Variants in WDR64 observed in about 807,000 individuals in gnomAD.
The protein encoded by WDR64 is WD repeat-containing protein 64.
WDR64 carries 112 observed loss-of-function variants against 139.3 expected under a neutral mutation model. The ratio of observed to expected loss-of-function variants is 0.80; its 90% CI spans 0.69 to 0.94. The LOEUF is 0.94. Among genes scored for constraint, WDR64 ranks in the 40% least tolerant of loss-of-function variants. The pLI is 0.00. For synonymous variants in WDR64, 444 were observed against 437.7 expected, an observed-to-expected ratio of 1.01 and a Z score of -0.18; for missense variants, 1,206 against 1,293.1, an observed-to-expected ratio of 0.93 and a Z score of 1.03.
In WDR64 at chr1:241,801,326, T is replaced by C; in HGVS notation, c.*111T>C. ...ACCACCAGACACTATCAGTCATCTC[T>C]GGTGTCAGGCCATCCTATTGATGGG... is the stretch of plus-strand genomic sequence containing the variant. On this transcript the variant is annotated 3_prime_UTR_variant, in exon 28 of 28. Transcript: ENST00000437684. 3.2e-6 allele frequency: 3 copies of C among 927,650 alleles called. No homozygotes were observed. The highest frequency in any genetic ancestry group is 3.2e-5 in the South Asian group (2 of 61,728). The allele number at this position is 927,650 out of a possible 1,614,324, so 57.5% of individuals were successfully genotyped here. A position where few individuals can be genotyped will look rare whatever the true frequency, so the allele number is the denominator to read the frequency against.
intron 8 of WDR64, among the ~76,000 whole-genome samples, chr1:241,699,511 A>G (rs1667622777): frequency 6.6e-6 from 1 of 152,182 alleles, no homozygotes; most frequent in African/African-American, 2.4e-5. Flanking sequence ...GAGGGTGATA[A>G]GTGCCATGAT....
Position 241,677,260 on chromosome 1 carries a change from G to A in WDR64, c.484-927G>A, listed in dbSNP as rs114573993. On this transcript the variant is annotated intron_variant, in intron 4 of 27. Coordinates refer to ENST00000437684, the MANE Select transcript of WDR64 (RefSeq NM_001367482.1). ...GACTTCCATTAAAGATATATATAGA[G>A]AAAGAGAAACAGAAACCACAGGTGT... The A allele has an allele frequency of 4.2e-3, 1,690 of 398,044 alleles. 20 individuals carry two copies. Among genetic ancestry groups the A allele is most frequent in the African/African-American group, 0.031 (1,522 of 48,696 alleles). 24.7% of individuals were successfully genotyped at this position (398,044 alleles called of 1,614,324 possible).
In WDR64 at chr1:241,780,025, A is replaced by G. The variant is rs1323588160; in HGVS notation, c.2558A>G (p.Asn853Ser). The G allele has an allele frequency of 2.8e-5, 45 of 1,588,264 alleles. No homozygotes were observed. The highest frequency in any genetic ancestry group is 3.8e-5 in the Non-Finnish European group (45 of 1,173,442). ...GNVEGHVILC[N>S]ISSFLDPPHD... ...ACAGAAGGACATGTTATCCTTTGCA[A>G]TATTAGCTCTTTCCTGGATCCACCT... Residue 853 changes from asparagine (N) to serine (S), a missense_variant, in exon 22 of 28, where the codon AAT becomes AGT. Transcript: ENST00000437684.
chr1:241,734,193 C>A lies in WDR64; in HGVS notation c.1195-4170C>A, dbSNP rs180990228. ...TTACCTACCTGTGTCCTGGAAGCCT[C>A]CTTCCTGCTTGAGCTGTCCTGCCTT... On this transcript the variant is annotated intron_variant, in intron 10 of 27. Coordinates refer to ENST00000437684, the MANE Select transcript of WDR64 (RefSeq NM_001367482.1). Among the ~76,000 whole-genome samples, 43 of 152,184 alleles carry A rather than the reference C, an allele frequency of 2.8e-4. No homozygotes were observed. The East Asian group carries it at 7.9e-3, about 28-fold the overall frequency.
intron 8 of WDR64, among the ~76,000 whole-genome samples, chr1:241,695,715 A>C (rs1196709468): frequency 2.0e-5 from 3 of 152,192 alleles, no homozygotes; most frequent in Non-Finnish European, 4.4e-5. Context: ...CCAAGTCTGC[A>C]TTTGGAGGGA....
At chr1:241,714,317 T>C (rs1558486982) in intron 9 of WDR64, among the ~76,000 whole-genome samples, 1 of 152,128 alleles carries the variant, frequency 6.6e-6, no homozygotes, top group South Asian at 2.1e-4. Context: ...GAAAACTCTG[T>C]CATCAAGAAA....
intron 14 of WDR64, among the ~76,000 whole-genome samples, chr1:241,755,279 G>A (rs1418595428): frequency 1.3e-5 from 2 of 152,168 alleles, no homozygotes; most frequent in Admixed American, 1.3e-4. Context: ...GCATGAGATG[G>A]TGTCTCTTTT....
chr1:241,690,332 A>G (rs920845100), intron 8 of WDR64, among the ~76,000 whole-genome samples: 11 of 152,026 alleles, frequency 7.2e-5, no homozygotes, highest in African/African-American at 2.6e-4. Context: ...TTAGCTGGGC[A>G]TGGTGGCGCA....
chr1:241,729,262 G>A (rs12026720), intron 10 of WDR64, among the ~76,000 whole-genome samples: 2 of 151,832 alleles, frequency 1.3e-5, no homozygotes, highest in South Asian at 4.2e-4. Flanking sequence ...ATCCACCAAG[G>A]GGCTCCCAGT....
At chr1:241,728,331 T>C (rs1668930588) in intron 10 of WDR64, among the ~76,000 whole-genome samples, 1 of 132,166 alleles carries the variant, frequency 7.6e-6, no homozygotes. Flanking sequence ...AGACTCAGTC[T>C]CAGAAAAGAA....
chr1:241,723,720 T>C (rs954820792), intron 10 of WDR64, among the ~76,000 whole-genome samples: 6 of 152,014 alleles, frequency 3.9e-5, no homozygotes, highest in Admixed American at 6.6e-5. Context: ...TTTCAATAGA[T>C]AGGAACATTA....
intron 27 of WDR64, among the ~76,000 whole-genome samples, chr1:241,797,028 T>C (rs1659388603): frequency 6.6e-6 from 1 of 152,242 alleles, no homozygotes; most frequent in African/African-American, 2.4e-5. Flanking sequence ...AATTTGGTTG[T>C]ACCTACAGAG....
chr1:241,662,275 G>T lies in WDR64; in HGVS notation c.276+1615G>T, dbSNP rs563739641. 3.2e-4 allele frequency among the ~76,000 whole-genome samples: 49 copies of T among 152,246 alleles called. 1 individual carries two copies. In the South Asian group the frequency reaches 0.01, roughly 32 times the overall value. ...GCTTCACTGGGTCCCTCTGCTCGGG[G>T]TATCATAAAGCTGCAATCAAGGTGT... On this transcript the variant is annotated intron_variant, in intron 2 of 27. Transcript: ENST00000437684.
At chr1:241,690,297 C>T (rs944280240) in intron 8 of WDR64, among the ~76,000 whole-genome samples, 2 of 151,904 alleles carry the variant, frequency 1.3e-5, no homozygotes, top group Non-Finnish European at 1.5e-5. Flanking sequence ...ATGGTAAAAC[C>T]CCGTCTCTAC....
rs1274054894 is a variant in WDR64 at position 241,656,898 on chromosome 1, GTGTGTGTGTGTGTC to G, written c.146-3628_146-3615del. Among the ~76,000 whole-genome samples, 3 of 151,220 alleles carry G rather than the reference GTGTGTGTGTGTGTC, an allele frequency of 2.0e-5. No homozygotes were observed. Among genetic ancestry groups the G allele is most frequent in the Non-Finnish European group, 2.9e-5 (2 of 67,902 alleles). On this transcript the variant is annotated intron_variant, in intron 1 of 27. Coordinates refer to ENST00000437684, the MANE Select transcript of WDR64 (RefSeq NM_001367482.1). The surrounding 1 kb of genome is among the most constrained non-coding windows in gnomAD (Gnocchi z 4.3). ...TGTGTGTGTGTGTGTGTGTGTGTGT[GTGTGTGTGTGTGTC>G]TGTCTGGGGATGGAGGTGAGGTGCA...
chr1:241,677,305 G>A (rs546865223), intron 4 of WDR64: 5 of 398,258 alleles, frequency 1.3e-5, no homozygotes, highest in African/African-American at 2.1e-5. Flanking sequence ...CTACTCACCG[G>A]TTTTCTTACA....
intron 15 of WDR64, among the ~76,000 whole-genome samples, chr1:241,765,040 A>T (rs1211025581): frequency 1.3e-5 from 2 of 151,872 alleles, no homozygotes; most frequent in African/African-American, 4.8e-5. Context: ...TCAAAACATT[A>T]GCCAGGCATG....
chr1:241,687,416 T>G, intron 7 of WDR64, 45 bp from the exon 8 acceptor site: 2 of 1,608,138 alleles, frequency 1.2e-6, no homozygotes, highest in Non-Finnish European at 1.7e-6. Context: ...TATTATACGT[T>G]TGTGTGTCTA....
Position 241,766,362 on chromosome 1 carries a change from T to C in WDR64, c.2081+11T>C. 1 of 1,612,836 alleles carries C rather than the reference T, an allele frequency of 6.2e-7. No homozygotes were observed. The highest frequency in any genetic ancestry group is 1.1e-5 in the South Asian group (1 of 90,924). ...TACTGTCAAAAAAGTGTAAGTTGTG[T>C]ATTATCCTTAAACAATGTAAAAGCT... On this transcript the variant is annotated intron_variant, in intron 16 of 27. Transcript: ENST00000437684.
Sources: gnomAD v4.1 joint callset for allele counts (sites outside exome capture counted in the v4.1 genomes callset) on GRCh38, gnomAD v4.1.1 for gene constraint, Gnocchi (gnomAD v3.1) non-coding constraint, MANE v1.5 for transcripts, NCBI Gene and HGNC (gene_info 2026-07-23, HGNC 2026-07-21) for gene names.